The following RAPGEF6 variants were observed in gnomAD, a reference collection of about 807,000 sequenced individuals.
The protein encoded by RAPGEF6 is Rap guanine nucleotide exchange factor 6, also known as PDZ domain containing guanine nucleotide exchange factor (GEF) 2.
RAPGEF6 carries 56 observed loss-of-function variants against 171.4 expected under a neutral mutation model. The ratio of observed to expected loss-of-function variants is 0.33; its 90% CI spans 0.26 to 0.41. RAPGEF6 has a LOEUF of 0.41. RAPGEF6 is among the 10% of genes least tolerant of loss of function. RAPGEF6 has a pLI of 1.00. For synonymous variants in RAPGEF6, 692 were observed against 650.1 expected, an observed-to-expected ratio of 1.06 and a Z score of -0.98; for missense variants, 1,674 against 1,921.4, an observed-to-expected ratio of 0.87 and a Z score of 2.41.
At chr5:131,459,389 G>A (rs1753749625) in intron 19 of RAPGEF6, among the ~76,000 whole-genome samples, 1 of 152,090 alleles carries the variant, frequency 6.6e-6, no homozygotes, top group Admixed American at 6.5e-5. Context: ...ACCTTATTAG[G>A]TAGGAACTAC....
At chr5:131,429,242 A>C in intron 26 of RAPGEF6, 26 bp from the exon 27 acceptor site, 1 of 1,479,032 alleles carries the variant, frequency 6.8e-7, no homozygotes, top group Non-Finnish European at 9.1e-7. Flanking sequence ...AGCAATGAAA[A>C]TGTTAATGAA....
chr5:131,550,982 G>A (rs1760886652), intron 5 of RAPGEF6, among the ~76,000 whole-genome samples: 2 of 152,186 alleles, frequency 1.3e-5, no homozygotes. Context: ...ACCGTATTAT[G>A]TAATATTATA....
intron 22 of RAPGEF6, among the ~76,000 whole-genome samples, chr5:131,444,180 C>T (rs1470426019): frequency 6.6e-6 from 1 of 152,088 alleles, no homozygotes; most frequent in Admixed American, 6.5e-5. Context: ...AGCTATTATG[C>T]TTTTATTAAG....
rs769169451 is a variant in RAPGEF6, at chr5:131,442,340, A to C, written c.3610+9T>G. The stretch of plus-strand genomic sequence containing the variant: ...GTAAACGGATGTAATATTAATGGTG[A>C]ATACTCACTCAGTGCAGGGTCTTTT... On this transcript the variant is annotated intron_variant, in intron 23 of 27. Coordinates refer to ENST00000509018, the MANE Select transcript of RAPGEF6 (RefSeq NM_016340.6). 6.2e-7 allele frequency: 1 copy of C among 1,603,382 alleles called. No individual in the cohort carries two copies. Among genetic ancestry groups the C allele is most frequent in the South Asian group, 1.1e-5 (1 of 89,418 alleles).
At chr5:131,571,839 G>A (rs1762308751) in intron 4 of RAPGEF6, among the ~76,000 whole-genome samples, 1 of 152,254 alleles carries the variant, frequency 6.6e-6, no homozygotes, top group Non-Finnish European at 1.5e-5. Flanking sequence ...TCAAGCCATC[G>A]TGACATTCCC....
chr5:131,520,213 C>T (rs920593681), intron 7 of RAPGEF6, among the ~76,000 whole-genome samples: 2 of 152,190 alleles, frequency 1.3e-5, no homozygotes, highest in Non-Finnish European at 2.9e-5. Flanking sequence ...ATGCTTTCCT[C>T]AGACAATGAT....
intron 1 of RAPGEF6, among the ~76,000 whole-genome samples, chr5:131,608,906 G>A (rs1764772779): frequency 6.6e-6 from 1 of 152,004 alleles, no homozygotes; most frequent in Non-Finnish European, 1.5e-5. Flanking sequence ...GAGTAGCTGG[G>A]ACTACAGGCA....
At chr5:131,454,279 T>C (rs1753323140) in intron 20 of RAPGEF6, among the ~76,000 whole-genome samples, 1 of 152,216 alleles carries the variant, frequency 6.6e-6, no homozygotes, top group Non-Finnish European at 1.5e-5. Context: ...TTTGGAATTC[T>C]AGCACCCCTA....
chr5:131,579,016 G>A (rs879603094), intron 4 of RAPGEF6, among the ~76,000 whole-genome samples: 3 of 152,170 alleles, frequency 2.0e-5, no homozygotes, highest in Non-Finnish European at 4.4e-5. Context: ...CTTAAAGGTG[G>A]TGTGTCCAGA....
At position 131,604,618 on chromosome 5, in the gene RAPGEF6, C is replaced by G; in HGVS notation, c.140+5G>C. 1 of 1,611,070 alleles carries G rather than the reference C, an allele frequency of 6.2e-7. No homozygotes were observed. Among genetic ancestry groups the G allele is most frequent in the South Asian group, 1.1e-5 (1 of 90,636 alleles). On this transcript the variant is annotated splice_donor_5th_base_variant and intron_variant, in intron 2 of 27. Transcript: ENST00000509018. ...GTGTGCTCTTAAATACAGAACGACA[C>G]TTACCTAAGCTGATGTTCCCTGAGA...
chr5:131,629,925 T>C (rs1329142054), intron 1 of RAPGEF6, among the ~76,000 whole-genome samples: 2 of 152,190 alleles, frequency 1.3e-5, no homozygotes, highest in African/African-American at 4.8e-5. Flanking sequence ...CTGGTGAAGA[T>C]GATGTACATA....
intron 4 of RAPGEF6, among the ~76,000 whole-genome samples, chr5:131,582,439 G>A (rs1424827208): frequency 6.6e-6 from 1 of 152,038 alleles, no homozygotes; most frequent in Non-Finnish European, 1.5e-5. Flanking sequence ...TACAAAAATT[G>A]GTTTAAATAG....
intron 11 of RAPGEF6, among the ~76,000 whole-genome samples, chr5:131,499,654 T>C (rs763302439): frequency 1.3e-4 from 20 of 150,082 alleles, no homozygotes; most frequent in Non-Finnish European, 2.2e-4. Context: ...TCTGAACCAA[T>C]GTTTATTACC....
chr5:131,618,903 T>C (rs1257633951), intron 1 of RAPGEF6, among the ~76,000 whole-genome samples: 2 of 152,088 alleles, frequency 1.3e-5, no homozygotes, highest in African/African-American at 4.8e-5. Context: ...ATACGGGAAG[T>C]ACAGACCACC....
intron 19 of RAPGEF6, among the ~76,000 whole-genome samples, chr5:131,457,211 C>G (rs1005345194): frequency 6.6e-6 from 1 of 152,176 alleles, no homozygotes; most frequent in Non-Finnish European, 1.5e-5. Flanking sequence ...ACAGGAATTA[C>G]AGGTGTGTAC....
intron 22 of RAPGEF6, among the ~76,000 whole-genome samples, chr5:131,445,193 C>T (rs1554070808): frequency 6.6e-6 from 1 of 152,122 alleles, no homozygotes; most frequent in African/African-American, 2.4e-5. Context: ...CCATCATACT[C>T]CAAATCTTTT....
intron 1 of RAPGEF6, among the ~76,000 whole-genome samples, chr5:131,634,077 G>A (rs931284944): frequency 2.0e-5 from 3 of 152,198 alleles, no homozygotes; most frequent in African/African-American, 7.2e-5. Flanking sequence ...GACTCAGTAT[G>A]CAAAACACTA....
intron 4 of RAPGEF6, among the ~76,000 whole-genome samples, chr5:131,569,690 A>G (rs1762158313): frequency 6.6e-6 from 1 of 152,164 alleles, no homozygotes; most frequent in Non-Finnish European, 1.5e-5. Flanking sequence ...TCAAAAATAA[A>G]CCTTAAAGTA....
intron 3 of RAPGEF6, among the ~76,000 whole-genome samples, chr5:131,599,979 A>C (rs1764131285): frequency 6.6e-6 from 1 of 152,232 alleles, no homozygotes; most frequent in African/African-American, 2.4e-5. Flanking sequence ...CTAATCTGTA[A>C]GCAACCTGTC....
Sources: gnomAD v4.1 joint callset for allele counts (sites outside exome capture counted in the v4.1 genomes callset) on GRCh38, gnomAD v4.1.1 for gene constraint, MANE v1.5 for transcripts, NCBI Gene and HGNC (gene_info 2026-07-23, HGNC 2026-07-21) for gene names.